The following FHIP1A variants were observed in gnomAD, a reference collection of about 807,000 sequenced individuals.
The protein encoded by FHIP1A is FHF complex subunit HOOK-interacting protein 1A.
Under a neutral mutation model 88.6 loss-of-function variants are expected in FHIP1A, and 61 were observed. That is an observed-to-expected ratio of 0.69 (90% CI 0.56 to 0.85). The LOEUF (loss-of-function observed/expected upper bound fraction) is 0.85. FHIP1A is among the 40% of genes least tolerant of loss of function. The pLI is 0.00. For missense variants in FHIP1A, 1,154 were observed against 1,273.5 expected, an observed-to-expected ratio of 0.91 and a Z score of 1.43; for synonymous variants, 478 against 496.0, an observed-to-expected ratio of 0.96 and a Z score of 0.48.
chr4:151,485,060 A>G (rs1266811720), intron 3 of FHIP1A, among the ~76,000 whole-genome samples: 3 of 152,212 alleles, frequency 2.0e-5, no homozygotes, highest in South Asian at 4.1e-4. Flanking sequence ...TATACCTAAA[A>G]AGTGACTTGT....
Position 151,666,562 on chromosome 4 carries a change from A to G in FHIP1A, c.*3808A>G, listed in dbSNP as rs1275091942. ...AAGCATCCTCTTATGAACAGAATCTAGAAACAGGCTACATGAATATTGGGG... is the reference window on the plus strand; with the variant it reads ...AAGCATCCTCTTATGAACAGAATCTGGAAACAGGCTACATGAATATTGGGG... On this transcript the variant is annotated 3_prime_UTR_variant, in exon 14 of 14. Transcript: ENST00000435205. Among the ~76,000 whole-genome samples the G allele has an allele frequency of 6.6e-6, 1 of 152,224 alleles. No individual in the cohort carries two copies. Among genetic ancestry groups the G allele is most frequent in the Non-Finnish European group, 1.5e-5 (1 of 68,038 alleles).
rs12645699 is a variant in FHIP1A, at chr4:151,425,677, C to A, written c.-356+16212C>A. Among the ~76,000 whole-genome samples the A allele has an allele frequency of 8.1e-4, 124 of 152,150 alleles. 1 individual carries two copies. In the East Asian group the frequency reaches 0.021, roughly 26 times the overall value. ...ATTTATTCTGTCATAGTTTTGGAGG[C>A]CGGAAGTCTAAAATCAAGGTATAGG... On this transcript the variant is annotated intron_variant, in intron 1 of 13. Coordinates refer to ENST00000435205, the MANE Select transcript of FHIP1A (RefSeq NM_001109977.3).
chr4:151,446,588 T>C (rs1371382485), intron 1 of FHIP1A, among the ~76,000 whole-genome samples: 2 of 150,102 alleles, frequency 1.3e-5, no homozygotes, highest in South Asian at 2.1e-4. Context: ...TTTCTTTTTT[T>C]TTTTTTTTTT....
chr4:151,517,751 C>T (rs1036974375), intron 3 of FHIP1A, among the ~76,000 whole-genome samples: 15 of 151,880 alleles, frequency 9.9e-5, no homozygotes, highest in East Asian at 1.9e-4. Flanking sequence ...CCTAGGCTAA[C>T]GTGTGTGTTT....
At position 151,558,152 on chromosome 4, in the gene FHIP1A, A is replaced by G. The variant is rs192646733; in HGVS notation, c.-122-7986A>G. Among the ~76,000 whole-genome samples, 186 of 152,340 alleles carry G rather than the reference A, an allele frequency of 1.2e-3. 3 individuals carry two copies. The highest frequency in any genetic ancestry group is 0.012 in the Admixed American group (184 of 15,298). ...CTAAGAAACTTATTTACAGGTGCAT[A>G]ATAATATTTAGTTTTCAGAATAAAT... is the stretch of plus-strand genomic sequence containing the variant. On this transcript the variant is annotated intron_variant, in intron 3 of 13. Coordinates refer to ENST00000435205, the MANE Select transcript of FHIP1A (RefSeq NM_001109977.3).
chr4:151,516,835 C>G (rs1317133644), intron 3 of FHIP1A, among the ~76,000 whole-genome samples: 1 of 151,266 alleles, frequency 6.6e-6, no homozygotes, highest in African/African-American at 2.4e-5. Flanking sequence ...GAAATAGGAA[C>G]ACTTTTCCAC....
At chr4:151,506,986 A>G (rs569647399) in intron 3 of FHIP1A, among the ~76,000 whole-genome samples, 1 of 152,362 alleles carries the variant, frequency 6.6e-6, no homozygotes, top group East Asian at 1.9e-4. Context: ...CCATTAGCAC[A>G]TAAGGCAAAA....
chr4:151,514,061 C>G (rs531872663), intron 3 of FHIP1A, among the ~76,000 whole-genome samples: 4 of 152,018 alleles, frequency 2.6e-5, no homozygotes, highest in Non-Finnish European at 5.9e-5. Flanking sequence ...AAGTAAAGCT[C>G]TCCTCAGCAA....
chr4:151,478,036 T>A (rs2126629327), intron 2 of FHIP1A, among the ~76,000 whole-genome samples: 1 of 152,288 alleles, frequency 6.6e-6, no homozygotes, highest in Admixed American at 6.5e-5. Context: ...ACTTATTACA[T>A]GCATGAGAAA....
rs1473302250 is a variant in FHIP1A at position 151,649,491 on chromosome 4, T to C, written c.1450T>C (p.Ser484Pro). 2.6e-6 allele frequency: 4 copies of C among 1,551,414 alleles called. No individual in the cohort carries two copies. In the Admixed American group the frequency reaches 7.8e-5, roughly 30 times the overall value. The change falls in exon 11 of 14, where the codon TCC becomes CCC. Residue 484 changes from serine to proline, a missense_variant. Transcript: ENST00000435205. ...GGAGCGGCCATTCCCCGAAGCGTTC[T>C]CCGAGTCAGCCTGCATTGTGGAGTA... ...PVERPFPEAF[S>P]ESACIVEYGK...
chr4:151,584,861 C>T (rs951514204), intron 5 of FHIP1A, among the ~76,000 whole-genome samples: 17 of 152,120 alleles, frequency 1.1e-4, no homozygotes, highest in African/African-American at 4.1e-4. Flanking sequence ...CTTCCCCCTA[C>T]TCTTTTTCTG....
chr4:151,480,127 C>T (rs1016858318), intron 2 of FHIP1A, among the ~76,000 whole-genome samples: 6 of 151,994 alleles, frequency 3.9e-5, no homozygotes, highest in African/African-American at 1.4e-4. Context: ...AGAGTTCTTT[C>T]AATTTACTTG....
At chr4:151,514,487 A>C (rs1560741211) in intron 3 of FHIP1A, among the ~76,000 whole-genome samples, 1 of 151,486 alleles carries the variant, frequency 6.6e-6, no homozygotes, top group Non-Finnish European at 1.5e-5. Flanking sequence ...GACACAAAAA[A>C]CCCTTCAAAA....
intron 3 of FHIP1A, among the ~76,000 whole-genome samples, chr4:151,536,172 T>C (rs1732061118): frequency 6.6e-6 from 1 of 152,188 alleles, no homozygotes; most frequent in South Asian, 2.1e-4. Context: ...TTGTAATAAT[T>C]ATACAGAGAG....
At chr4:151,479,728 A>G (rs1439569881) in intron 2 of FHIP1A, among the ~76,000 whole-genome samples, 1 of 152,066 alleles carries the variant, frequency 6.6e-6, no homozygotes, top group Non-Finnish European at 1.5e-5. Flanking sequence ...TGATGTGGAT[A>G]TTAATTCTCT....
At chr4:151,507,457 C>T (rs1033631153) in intron 3 of FHIP1A, among the ~76,000 whole-genome samples, 2 of 152,108 alleles carry the variant, frequency 1.3e-5, no homozygotes, top group African/African-American at 4.8e-5. Flanking sequence ...AAAGTTAGAA[C>T]ATGTTATCTA....
At chr4:151,621,264 C>A (rs1360855685) in intron 7 of FHIP1A, among the ~76,000 whole-genome samples, 1 of 152,002 alleles carries the variant, frequency 6.6e-6, no homozygotes, top group Non-Finnish European at 1.5e-5. Flanking sequence ...CTGTGATTAT[C>A]CAGTGCCAGA....
intron 2 of FHIP1A, among the ~76,000 whole-genome samples, chr4:151,472,333 T>A (rs753064954): frequency 3.3e-5 from 5 of 152,102 alleles, no homozygotes; most frequent in Admixed American, 6.6e-5. Flanking sequence ...AAATTTGAGA[T>A]AAAATTCACA....
At chr4:151,493,386 C>A (rs1344028819) in intron 3 of FHIP1A, among the ~76,000 whole-genome samples, 1 of 152,108 alleles carries the variant, frequency 6.6e-6, no homozygotes, top group Non-Finnish European at 1.5e-5. Context: ...CAGCCGAATT[C>A]TATTAGACAT....
Sources: gnomAD v4.1 joint callset for allele counts (sites outside exome capture counted in the v4.1 genomes callset) on GRCh38, gnomAD v4.1.1 for gene constraint, MANE v1.5 for transcripts, NCBI Gene and HGNC (gene_info 2026-07-23, HGNC 2026-07-21) for gene names.